The following PIAS1 variants were observed in gnomAD, a reference collection of about 807,000 sequenced individuals.
The protein encoded by PIAS1 is protein inhibitor of activated STAT 1.
In PIAS1, 6 loss-of-function variants were observed where a neutral mutation model predicts 71.3. The ratio of observed to expected loss-of-function variants is 0.08; its 90% CI spans 0.05 to 0.17. PIAS1 has a LOEUF of 0.17. Ranked by LOEUF, PIAS1 falls within the 10% of genes least tolerant of loss-of-function variation. PIAS1 has a pLI of 1.00. For synonymous variants in PIAS1, 303 were observed against 292.9 expected (o/e 1.03, Z -0.35); for missense variants, 555 against 793.6 (o/e 0.70, Z 3.61).
At chr15:68,087,852 C>G (rs925017877) in intron 2 of PIAS1, 4 of 359,190 alleles carry the variant, frequency 1.1e-5, no homozygotes, top group African/African-American at 8.4e-5. Context: ...CAGAAATTAT[C>G]TGAATACACG....
chr15:68,178,863 C>T lies in PIAS1; in HGVS notation c.1481+2209C>T, dbSNP rs1454467542. ...ATTTCTTCTTTGGATATTTACTTTG[C>T]TCTTTCTCCAAAAATATTTGGAGAA... On this transcript the variant is annotated intron_variant, in intron 11 of 13. Transcript: ENST00000249636. The surrounding 1 kb of genome is among the most constrained non-coding windows in gnomAD (Gnocchi z 4.2). Among the ~76,000 whole-genome samples, 1 of 151,932 alleles carries T rather than the reference C, an allele frequency of 6.6e-6. No individual in the cohort carries two copies. Among genetic ancestry groups the T allele is most frequent in the Non-Finnish European group, 1.5e-5 (1 of 67,948 alleles).
chr15:68,148,571 GGCACCT>G (rs759453483), intron 6 of PIAS1, among the ~76,000 whole-genome samples: 2 of 152,048 alleles, frequency 1.3e-5, no homozygotes, highest in Non-Finnish European at 2.9e-5. Context: ...TGGGATTACA[GGCACCT>G]GCCACTGCAC....
At chr15:68,057,560 T>C (rs959907832) in intron 1 of PIAS1, 4 of 417,516 alleles carry the variant, frequency 9.6e-6, no homozygotes, top group South Asian at 3.5e-5. Context: ...AAACCATAAT[T>C]ATAAAAGTTA....
chr15:68,185,902 C>T lies in PIAS1; in HGVS notation c.1663-1640C>T, dbSNP rs906640701. On this transcript the variant is annotated intron_variant, in intron 13 of 13. Transcript: ENST00000249636. The surrounding 1 kb of genome is among the most constrained non-coding windows in gnomAD (Gnocchi z 4.4). Reference sequence around the variant, plus strand: ...ACTTGAACCTGGGAGGCGGAGGTTGCAGTGAGCCGAGATTGCGTGCACCAC... The same window carrying T: ...ACTTGAACCTGGGAGGCGGAGGTTGTAGTGAGCCGAGATTGCGTGCACCAC... 3.9e-5 allele frequency among the ~76,000 whole-genome samples: 6 copies of T among 151,962 alleles called. No homozygotes were observed. Among genetic ancestry groups the T allele is most frequent in the Non-Finnish European group, 8.8e-5 (6 of 67,996 alleles).
intron 2 of PIAS1, among the ~76,000 whole-genome samples, chr15:68,097,484 G>A (rs34007002): frequency 0.023 from 3,570 of 152,208 alleles, 73 homozygotes; most frequent in Non-Finnish European, 0.034. Context: ...CCAGGCTGGA[G>A]TGCAATGGCA....
Position 68,145,758 on chromosome 15 carries a change from T to G in PIAS1, c.603-58T>G, listed in dbSNP as rs967612507. 1.2e-5 allele frequency: 11 copies of G among 946,686 alleles called. No individual in the cohort carries two copies. In the African/African-American group the frequency reaches 1.3e-4, roughly 11 times the overall value. 58.6% of individuals were successfully genotyped at this position (946,686 alleles called of 1,614,324 possible). On this transcript the variant is annotated intron_variant, in intron 4 of 13. Transcript: ENST00000249636. ...TCTTTTAAATTTATCTATTTAACAA[T>G]AATACTAATGAAGTCATCCTTTAAT...
In PIAS1 at chr15:68,054,799, G is replaced by A. The variant is rs1597102982; in HGVS notation, c.24+449G>A. On this transcript the variant is annotated intron_variant, in intron 1 of 13. Transcript: ENST00000249636. The surrounding 1 kb of genome is among the most constrained non-coding windows in gnomAD (Gnocchi z 4.6). ...TTGCAGTCCCGGGCTCCTGTCAGGCGCTCTTCTCAGACCCCCGGGAACTTG... is the reference window on the plus strand; with the variant it reads ...TTGCAGTCCCGGGCTCCTGTCAGGCACTCTTCTCAGACCCCCGGGAACTTG... 2 of 153,562 alleles carry A rather than the reference G, an allele frequency of 1.3e-5. No individual in the cohort carries two copies. Among genetic ancestry groups the A allele is most frequent in the East Asian group, 1.9e-4 (1 of 5,212 alleles). 9.5% of individuals were successfully genotyped at this position (153,562 alleles called of 1,614,324 possible). A position where few individuals can be genotyped will look rare whatever the true frequency, so the allele number is the denominator to read the frequency against.
At chr15:68,144,241 T>C (rs2092792441) in intron 4 of PIAS1, among the ~76,000 whole-genome samples, 1 of 152,048 alleles carries the variant, frequency 6.6e-6, no homozygotes, top group Admixed American at 6.6e-5. Flanking sequence ...GCAACCATAG[T>C]GTATTATTTA....
intron 11 of PIAS1, among the ~76,000 whole-genome samples, chr15:68,179,561 G>GTTTTTTTTTTTTT (rs1307028845): frequency 2.0e-4 from 6 of 30,188 alleles, no homozygotes; most frequent in South Asian, 1.4e-3. Flanking sequence ...CTCGTGAAAT[G>GTTTTTTTTTTTTT]TTCTTTTTTT....
chr15:68,181,142 A>T, intron 11 of PIAS1, 70 bp from the exon 12 acceptor site: 1 of 1,375,602 alleles, frequency 7.3e-7, no homozygotes, highest in East Asian at 2.4e-5. Flanking sequence ...GTGAGATACA[A>T]CCCCTTTTTT....
At chr15:68,064,778 A>G (rs1374372416) in intron 1 of PIAS1, among the ~76,000 whole-genome samples, 1 of 152,244 alleles carries the variant, frequency 6.6e-6, no homozygotes, top group Non-Finnish European at 1.5e-5. Context: ...GGAAAAGTAG[A>G]TGTGAGAATC....
Position 68,142,319 on chromosome 15 carries a change from C to T in PIAS1, c.584C>T (p.Thr195Ile). 1.2e-6 allele frequency: 2 copies of T among 1,603,910 alleles called. No individual in the cohort carries two copies. Among genetic ancestry groups the T allele is most frequent in the Non-Finnish European group, 1.7e-6 (2 of 1,171,282 alleles). ...MDISGTKCDF[T>I]VQVQLRFCLS... ...ATTTCTGGGACCAAATGTGACTTCACAGTACAGGTCCAGTTAAGGTACAGT... is the reference window on the plus strand; with the variant it reads ...ATTTCTGGGACCAAATGTGACTTCATAGTACAGGTCCAGTTAAGGTACAGT... Residue 195 changes from threonine to isoleucine, a missense_variant, in exon 4 of 14, where the codon ACA (threonine) becomes ATA (isoleucine). By Grantham distance (89) the Thr-to-Ile change is moderately conservative (BLOSUM62 -1). This residue lies in a region of PIAS1 where 134 missense variants were observed against 203.4 expected (regional missense o/e 0.66). Transcript: ENST00000249636.
intron 1 of PIAS1, among the ~76,000 whole-genome samples, chr15:68,070,627 A>C (rs2092084366): frequency 6.6e-6 from 1 of 152,218 alleles, no homozygotes; most frequent in African/African-American, 2.4e-5. Flanking sequence ...AGTCCTAATT[A>C]AGATTTGCTG....
chr15:68,086,800 C>T lies in PIAS1; in HGVS notation c.469+50C>T, dbSNP rs186753486. On this transcript the variant is annotated intron_variant, in intron 2 of 13. Coordinates refer to ENST00000249636, the MANE Select transcript of PIAS1 (RefSeq NM_016166.3). The surrounding 1 kb of genome is among the most constrained non-coding windows in gnomAD (Gnocchi z 7.2). Reference sequence around the variant, plus strand: ...TGGTTACTTTTGCAGGATGAATTTTCGTTTTAGGCTTTTACTTTGACCCAG... The same window carrying T: ...TGGTTACTTTTGCAGGATGAATTTTTGTTTTAGGCTTTTACTTTGACCCAG... 1.4e-4 allele frequency: 169 copies of T among 1,206,266 alleles called. 1 individual carries two copies. In the East Asian group the frequency reaches 2.2e-3, roughly 16 times the overall value. 74.7% of individuals were successfully genotyped at this position (1,206,266 alleles called of 1,614,324 possible).
intron 1 of PIAS1, chr15:68,055,016 C>G (rs977811376): frequency 1.3e-5 from 2 of 157,890 alleles, no homozygotes; most frequent in Non-Finnish European, 2.7e-5. Context: ...CGTTGGGGTT[C>G]GGCTGAGAGG....
At chr15:68,057,636 A>G (rs775849493) in intron 1 of PIAS1, 9 of 294,056 alleles carry the variant, frequency 3.1e-5, no homozygotes, top group Non-Finnish European at 4.6e-5. Context: ...ATAGCTACTT[A>G]ATTTTGATCC....
intron 2 of PIAS1, among the ~76,000 whole-genome samples, chr15:68,131,406 A>G (rs1199052161): frequency 6.6e-6 from 1 of 152,104 alleles, no homozygotes; most frequent in Non-Finnish European, 1.5e-5. Context: ...GGTGATGAGA[A>G]CATTTGAAAT....
intron 1 of PIAS1, among the ~76,000 whole-genome samples, chr15:68,078,007 T>C (rs540878379): frequency 5.4e-4 from 83 of 152,376 alleles, no homozygotes; most frequent in Middle Eastern, 3.4e-3. Context: ...TAGGGTATAC[T>C]GTTCATTGTC....
chr15:68,130,439 A>T (rs184521215), intron 2 of PIAS1, among the ~76,000 whole-genome samples: 1 of 151,974 alleles, frequency 6.6e-6, no homozygotes, highest in Non-Finnish European at 1.5e-5. Flanking sequence ...TTTTTTCTAC[A>T]TGTATATGCA....
Sources: gnomAD v4.1 joint callset for allele counts (sites outside exome capture counted in the v4.1 genomes callset) on GRCh38, gnomAD v4.1.1 for gene constraint, gnomAD v4.1.1 regional missense constraint, Gnocchi (gnomAD v3.1) non-coding constraint, MANE v1.5 for transcripts, NCBI Gene and HGNC (gene_info 2026-07-23, HGNC 2026-07-21) for gene names.